ZFYVE9: variants seen among roughly 807,000 people sequenced by gnomAD.
The protein encoded by ZFYVE9 is zinc finger FYVE domain-containing protein 9.
Under a neutral mutation model 126.7 loss-of-function variants are expected in ZFYVE9, and 43 were observed. The ratio of observed to expected loss-of-function variants is 0.34; its 90% CI spans 0.27 to 0.44. The LOEUF is 0.44. ZFYVE9 is among the 20% of genes least tolerant of loss of function. The pLI is 1.00. For synonymous variants in ZFYVE9, 521 were observed against 597.4 expected, an observed-to-expected ratio of 0.87 and a Z score of 1.87; for missense variants, 1,476 against 1,697.0, an observed-to-expected ratio of 0.87 and a Z score of 2.29.
At chr1:52,152,828 T>G (rs1427666958) in intron 1 of ZFYVE9, among the ~76,000 whole-genome samples, 1 of 152,250 alleles carries the variant, frequency 6.6e-6, no homozygotes. Context: ...CATAGTGTAT[T>G]GGTTCAGGTC....
chr1:52,226,529 CTG>C (rs1645172079), intron 2 of ZFYVE9, among the ~76,000 whole-genome samples: 1 of 152,090 alleles, frequency 6.6e-6, no homozygotes, highest in African/African-American at 2.4e-5. Context: ...GAGTGAGACT[CTG>C]TCTCAAAAAG....
chr1:52,200,207 C>T lies in ZFYVE9; in HGVS notation c.-142-16162C>T, dbSNP rs573916431. On this transcript the variant is annotated intron_variant, in intron 1 of 18. Transcript: ENST00000287727. ...ATTTTTTATTTTTTTTAGACAGGCT[C>T]TCACTCTGTCACCCAGGCTGGAGTG... Among the ~76,000 whole-genome samples, 22 of 152,008 alleles carry T rather than the reference C, an allele frequency of 1.4e-4. No individual in the cohort carries two copies. The East Asian group carries it at 4.1e-3, about 28-fold the overall frequency.
chr1:52,192,827 T>C (rs1192014772), intron 1 of ZFYVE9, among the ~76,000 whole-genome samples: 1 of 152,232 alleles, frequency 6.6e-6, no homozygotes, highest in African/African-American at 2.4e-5. Context: ...AGTCTTACTT[T>C]TTATCAGGAA....
At chr1:52,202,972 C>T (rs1644938117) in intron 1 of ZFYVE9, among the ~76,000 whole-genome samples, 2 of 152,008 alleles carry the variant, frequency 1.3e-5, no homozygotes, top group African/African-American at 4.8e-5. Context: ...AGGCGTGAGC[C>T]ACCGCGCACA....
chr1:52,173,800 A>G (rs1193455181), intron 1 of ZFYVE9, among the ~76,000 whole-genome samples: 2 of 152,142 alleles, frequency 1.3e-5, no homozygotes, highest in Non-Finnish European at 2.9e-5. Context: ...AGAGGTGTTT[A>G]TAGTATTCTC....
intron 1 of ZFYVE9, among the ~76,000 whole-genome samples, chr1:52,167,171 A>G (rs1644521979): frequency 6.6e-6 from 1 of 152,202 alleles, no homozygotes; most frequent in South Asian, 2.1e-4. Flanking sequence ...TCTTGTTTCT[A>G]AGTCCTCAGG....
At chr1:52,259,332 A>G (rs1645554832) in intron 4 of ZFYVE9, among the ~76,000 whole-genome samples, 1 of 152,154 alleles carries the variant, frequency 6.6e-6, no homozygotes, top group Admixed American at 6.5e-5. Context: ...AGGTGTTAGG[A>G]GTTAAGACTT....
At chr1:52,253,468 G>A (rs981182601) in intron 4 of ZFYVE9, among the ~76,000 whole-genome samples, 1 of 152,150 alleles carries the variant, frequency 6.6e-6, no homozygotes, top group Non-Finnish European at 1.5e-5. Context: ...ATGATAGATA[G>A]TGAAATTGAC....
chr1:52,339,354 C>T (rs932249371), intron 16 of ZFYVE9, among the ~76,000 whole-genome samples: 1 of 151,466 alleles, frequency 6.6e-6, no homozygotes, highest in Admixed American at 6.6e-5. Flanking sequence ...GTGGTGCGAT[C>T]GCAGCTCACT....
chr1:52,321,676 C>G (rs1272653274), intron 13 of ZFYVE9, among the ~76,000 whole-genome samples: 1 of 152,114 alleles, frequency 6.6e-6, no homozygotes, highest in Non-Finnish European at 1.5e-5. Context: ...CTGGCTTTCC[C>G]TGTCTCCCAG....
chr1:52,288,619 C>T (rs776944159), intron 10 of ZFYVE9, among the ~76,000 whole-genome samples: 51 of 152,174 alleles, frequency 3.4e-4, no homozygotes, highest in East Asian at 1.2e-3. Flanking sequence ...GTCATATTAC[C>T]ACTTAGAAAT....
intron 2 of ZFYVE9, among the ~76,000 whole-genome samples, chr1:52,224,423 C>T (rs551888369): frequency 6.6e-5 from 10 of 152,136 alleles, no homozygotes; most frequent in East Asian, 3.9e-4. Context: ...TTAGGTAGGT[C>T]GTCTTTGGGA....
intron 1 of ZFYVE9, among the ~76,000 whole-genome samples, chr1:52,175,995 T>G (rs1292312673): frequency 6.6e-6 from 1 of 152,246 alleles, no homozygotes; most frequent in Non-Finnish European, 1.5e-5. Flanking sequence ...TTCTCTCAGC[T>G]CGTCAAAGTC....
chr1:52,245,856 G>T (rs1316270382), intron 4 of ZFYVE9, among the ~76,000 whole-genome samples: 2 of 152,122 alleles, frequency 1.3e-5, no homozygotes, highest in Non-Finnish European at 2.9e-5. Context: ...AAAACAAATA[G>T]GTTTCTTTAT....
At chr1:52,322,413 T>C (rs1646249838) in intron 13 of ZFYVE9, among the ~76,000 whole-genome samples, 1 of 148,582 alleles carries the variant, frequency 6.7e-6, no homozygotes, top group South Asian at 2.2e-4. Context: ...AGAGTCTCGC[T>C]GTGTCGCCCA....
intron 1 of ZFYVE9, among the ~76,000 whole-genome samples, chr1:52,189,698 T>A (rs1237923202): frequency 6.6e-6 from 1 of 150,650 alleles, no homozygotes; most frequent in Non-Finnish European, 1.5e-5. Context: ...TTTTTTAAAC[T>A]TGTGCTTTTG....
At chr1:52,154,632 C>A (rs1467096501) in intron 1 of ZFYVE9, among the ~76,000 whole-genome samples, 1 of 152,214 alleles carries the variant, frequency 6.6e-6, no homozygotes. Context: ...CACCCATACC[C>A]CTTGCCTTTG....
At position 52,346,441 on chromosome 1, in the gene ZFYVE9, T is replaced by A. The variant is rs904628155; in HGVS notation, c.*220T>A. The A allele has an allele frequency of 4.4e-5, 21 of 477,472 alleles. No individual in the cohort carries two copies. Among genetic ancestry groups the A allele is most frequent in the Non-Finnish European group, 5.8e-5 (16 of 274,962 alleles). 29.6% of individuals were successfully genotyped at this position (477,472 alleles called of 1,614,324 possible). On this transcript the variant is annotated 3_prime_UTR_variant, in exon 19 of 19. Transcript: ENST00000287727. ...TTCTATGCATTGTCCACCAAGAAGA[T>A]CTGGGCAGCTTCTGTTCCTGCACAA...
At chr1:52,285,560 C>G (rs1645850442) in intron 10 of ZFYVE9, among the ~76,000 whole-genome samples, 1 of 152,110 alleles carries the variant, frequency 6.6e-6, no homozygotes, top group Admixed American at 6.5e-5. Context: ...TGTGAGGGAT[C>G]TAGGTTGTGT....
Sources: allele counts gnomAD v4.1 joint callset (sites outside exome capture counted in the v4.1 genomes callset), GRCh38; gene constraint gnomAD v4.1.1; transcripts MANE v1.5; gene names NCBI Gene and HGNC (gene_info 2026-07-23, HGNC 2026-07-21).